The following MCTP1 variants were observed in gnomAD, a reference collection of about 807,000 sequenced individuals.
MCTP1 encodes the protein multiple C2 and transmembrane domain containing 1.
Under a neutral mutation model 120.6 loss-of-function variants are expected in MCTP1, and 69 were observed. The observed-to-expected ratio is 0.57, with a 90% CI of 0.47 to 0.70. The LOEUF (loss-of-function observed/expected upper bound fraction) is 0.70. MCTP1 is among the 30% of genes least tolerant of loss of function. The probability of loss-of-function intolerance (pLI) is 0.00; values close to 1 mark genes in which losing one functional copy is unlikely to be tolerated. For synonymous variants in MCTP1, 529 were observed against 493.1 expected (o/e 1.07, Z -0.96); for missense variants, 1,203 against 1,248.8 (o/e 0.96, Z 0.55).
chr5:94,831,849 G>A (rs998435087), intron 17 of MCTP1, among the ~76,000 whole-genome samples: 1 of 152,076 alleles, frequency 6.6e-6, no homozygotes, highest in Non-Finnish European at 1.5e-5. Context: ...ACTAATTCTA[G>A]GCATACACAT....
chr5:95,282,549 T>C (rs933390131), intron 1 of MCTP1, among the ~76,000 whole-genome samples: 14 of 152,166 alleles, frequency 9.2e-5, no homozygotes, highest in Non-Finnish European at 1.9e-4. Flanking sequence ...TCTAAAACCA[T>C]TTATCACTTT....
At chr5:95,169,774 A>G (rs970893076) in intron 1 of MCTP1, among the ~76,000 whole-genome samples, 2 of 151,722 alleles carry the variant, frequency 1.3e-5, no homozygotes, top group Admixed American at 6.6e-5. Context: ...CATCTATTTG[A>G]TTCTTCTGTC....
At chr5:94,905,657 CAA>C (rs1306120149) in intron 10 of MCTP1, among the ~76,000 whole-genome samples, 2 of 152,230 alleles carry the variant, frequency 1.3e-5, no homozygotes, top group Non-Finnish European at 2.9e-5. Context: ...TAGCAACAAA[CAA>C]GAGAAGGCTG....
At chr5:95,100,177 G>T (rs1014042262) in intron 1 of MCTP1, among the ~76,000 whole-genome samples, 24 of 151,502 alleles carry the variant, frequency 1.6e-4, no homozygotes, top group Non-Finnish European at 2.1e-4. Context: ...AATGCTAGAT[G>T]ACGAGTTAGT....
chr5:95,069,073 G>A (rs1751447864), intron 1 of MCTP1, among the ~76,000 whole-genome samples: 2 of 151,488 alleles, frequency 1.3e-5, no homozygotes, highest in South Asian at 4.2e-4. Context: ...AATTATGACA[G>A]CCAAAGAAAT....
intron 2 of MCTP1, among the ~76,000 whole-genome samples, chr5:94,975,946 G>C (rs1333411453): frequency 6.6e-6 from 1 of 152,094 alleles, no homozygotes; most frequent in Admixed American, 6.6e-5. Context: ...CAACTCCTGG[G>C]TCATCGAGAA....
chr5:94,826,564 C>G (rs1402590612), intron 17 of MCTP1: 2 of 731,520 alleles, frequency 2.7e-6, no homozygotes, highest in South Asian at 2.7e-5. Flanking sequence ...TCCTCCTTCC[C>G]TTTCAAAGCA....
At position 95,216,426 on chromosome 5, in the gene MCTP1, G is replaced by A. The variant is rs188339152; in HGVS notation, c.720+67430C>T. Among the ~76,000 whole-genome samples, 929 of 152,252 alleles carry A rather than the reference G, an allele frequency of 6.1e-3. 3 individuals are homozygous for A. Among genetic ancestry groups the A allele is most frequent in the Non-Finnish European group, 9.6e-3 (651 of 68,026 alleles). ...ACTAAGAAACTACTCTATCCTGTAG[G>A]TTGTCCATTTTCCACAGCTACCCGT... is the stretch of plus-strand genomic sequence containing the variant. On this transcript the variant is annotated intron_variant, in intron 1 of 22. Transcript: ENST00000515393.
intron 19 of MCTP1, among the ~76,000 whole-genome samples, chr5:94,776,781 A>C (rs1201194046): frequency 6.6e-6 from 1 of 152,162 alleles, no homozygotes; most frequent in African/African-American, 2.4e-5. Flanking sequence ...TAAAGGAACC[A>C]ACGAATTTTT....
At chr5:95,140,434 T>C (rs1334578602) in intron 1 of MCTP1, among the ~76,000 whole-genome samples, 1 of 152,114 alleles carries the variant, frequency 6.6e-6, no homozygotes, top group African/African-American at 2.4e-5. Context: ...AACAGCAAAT[T>C]ATTCTAAGCA....
chr5:95,194,237 TGAAAAGAAA>T (rs1245878296), intron 1 of MCTP1, among the ~76,000 whole-genome samples: 1 of 150,492 alleles, frequency 6.6e-6, no homozygotes, highest in Non-Finnish European at 1.5e-5. Flanking sequence ...AGAAAAGAAA[TGAAAAGAAA>T]GAAAAGAAAA....
At chr5:95,061,410 T>TG (rs1284899430) in intron 1 of MCTP1, among the ~76,000 whole-genome samples, 352 of 6,916 alleles carry the variant, frequency 0.051, 115 homozygotes, top group African/African-American at 0.07. Context: ...CCTTAAGGGT[T>TG]TTTTTTTTTT....
chr5:94,780,558 T>C (rs961644306), intron 18 of MCTP1, among the ~76,000 whole-genome samples: 1 of 152,126 alleles, frequency 6.6e-6, no homozygotes, highest in Non-Finnish European at 1.5e-5. Context: ...TTTGAGGTCT[T>C]TCATTTGGAC....
chr5:94,935,946 ATTTAAC>A (rs1725031377), intron 5 of MCTP1, among the ~76,000 whole-genome samples: 1 of 152,082 alleles, frequency 6.6e-6, no homozygotes, highest in African/African-American at 2.4e-5. Context: ...ATATCTAAAA[ATTTAAC>A]TTTAAGATAC....
intron 1 of MCTP1, among the ~76,000 whole-genome samples, chr5:95,083,323 A>G (rs1755157786): frequency 1.3e-5 from 2 of 152,234 alleles, no homozygotes; most frequent in Non-Finnish European, 2.9e-5. Context: ...TCATTCTCAT[A>G]TGCAATGCTA....
At chr5:94,887,000 A>G (rs1454371099) in intron 12 of MCTP1, among the ~76,000 whole-genome samples, 1 of 152,212 alleles carries the variant, frequency 6.6e-6, no homozygotes, top group Non-Finnish European at 1.5e-5. Flanking sequence ...CACAAATGTC[A>G]TAAAGACCAC....
chr5:95,031,070 A>T (rs1840191368), intron 1 of MCTP1, among the ~76,000 whole-genome samples: 1 of 152,136 alleles, frequency 6.6e-6, no homozygotes, highest in Non-Finnish European at 1.5e-5. Context: ...CTTTCAAATT[A>T]TCTGAGTCAG....
At chr5:95,013,403 C>T (rs1037623747) in intron 2 of MCTP1, among the ~76,000 whole-genome samples, 20 of 152,130 alleles carry the variant, frequency 1.3e-4, no homozygotes, top group African/African-American at 4.8e-4. Flanking sequence ...GAAGAAGATG[C>T]CATCGAGAAC....
At chr5:95,080,675 C>T (rs1247238035) in intron 1 of MCTP1, among the ~76,000 whole-genome samples, 6 of 152,186 alleles carry the variant, frequency 3.9e-5, no homozygotes, top group Middle Eastern at 3.4e-3. Context: ...AATATGAAGC[C>T]AAGACAACAT....
Sources: gnomAD v4.1 joint callset for allele counts (sites outside exome capture counted in the v4.1 genomes callset) on GRCh38, gnomAD v4.1.1 for gene constraint, MANE v1.5 for transcripts, NCBI Gene and HGNC (gene_info 2026-07-23, HGNC 2026-07-21) for gene names.